CACNA1C: variants seen among roughly 807,000 people sequenced by gnomAD.
CACNA1C encodes the protein calcium voltage-gated channel subunit alpha1 C.
A neutral mutation model predicts 229.0 loss-of-function variants in CACNA1C; 30 were observed. The ratio of observed to expected loss-of-function variants is 0.13; its 90% CI spans 0.10 to 0.18. The LOEUF is 0.18. Among genes scored for constraint, CACNA1C ranks in the 10% least tolerant of loss-of-function variants. CACNA1C has a pLI of 1.00. For missense variants in CACNA1C, 1,658 were observed against 2,845.0 expected, an observed-to-expected ratio of 0.58 and a Z score of 9.49; for synonymous variants, 1,114 against 1,132.5, an observed-to-expected ratio of 0.98 and a Z score of 0.33.
At chr12:2,268,518 G>A (rs1005895552) in intron 3 of CACNA1C, among the ~76,000 whole-genome samples, 2 of 152,194 alleles carry the variant, frequency 1.3e-5, no homozygotes, top group Admixed American at 6.5e-5. Flanking sequence ...CTGGGGGTGT[G>A]GGGAGTGTTG....
Position 2,679,245 on chromosome 12 carries a change from G to A in CACNA1C, c.5092-199G>A, listed in dbSNP as rs1030385345. On this transcript the variant is annotated intron_variant, in intron 41 of 46. Coordinates refer to ENST00000399655, the MANE Select transcript of CACNA1C (RefSeq NM_000719.7). This position sits in a 1 kb window ranked among gnomAD's most constrained non-coding sequence, Gnocchi z 5.5. Reference sequence around the variant, plus strand: ...GGGGAGTCCAGAGCCTTGAGACTCCGGGTCCCTCCCTCTCTGGAGCAGCCA... The same window carrying A: ...GGGGAGTCCAGAGCCTTGAGACTCCAGGTCCCTCCCTCTCTGGAGCAGCCA... Among the ~76,000 whole-genome samples, 1 of 152,170 alleles carries A rather than the reference G, an allele frequency of 6.6e-6. No homozygotes were observed. Among genetic ancestry groups the A allele is most frequent in the Non-Finnish European group, 1.5e-5 (1 of 68,034 alleles).
Position 2,177,640 on chromosome 12 carries a change from C to T in CACNA1C, c.477+57210C>T, listed in dbSNP as rs1183393946. Among the ~76,000 whole-genome samples the T allele has an allele frequency of 1.6e-5, 2 of 128,712 alleles. 1 individual carries two copies. Among genetic ancestry groups the T allele is most frequent in the East Asian group, 5.3e-4 (2 of 3,796 alleles). 84.4% of individuals were successfully genotyped at this position (128,712 alleles called of 152,430 possible). A position where few individuals can be genotyped will look rare whatever the true frequency, so the allele number is the denominator to read the frequency against. ...TCCTTCCTTCCTTCTCTCTCTCTTT[C>T]TTTCTTTCTTTCTTTTTCTTTCTTC... On this transcript the variant is annotated intron_variant, in intron 3 of 46. Coordinates refer to ENST00000399655, the MANE Select transcript of CACNA1C (RefSeq NM_000719.7).
At chr12:2,558,801 T>A (rs1419987105) in intron 11 of CACNA1C, among the ~76,000 whole-genome samples, 1 of 152,216 alleles carries the variant, frequency 6.6e-6, no homozygotes, top group African/African-American at 2.4e-5. Flanking sequence ...CTTCTTTCTC[T>A]CCCGTTTCAC....
chr12:2,445,385 C>T, intron 3 of CACNA1C, among the ~76,000 whole-genome samples: 1 of 152,214 alleles, frequency 6.6e-6, no homozygotes, highest in East Asian at 1.9e-4. Context: ...GTCTCCAGCA[C>T]CCAACACTTA....
intron 37 of CACNA1C, among the ~76,000 whole-genome samples, chr12:2,667,419 G>A (rs902046089): frequency 3.3e-5 from 5 of 151,956 alleles, no homozygotes; most frequent in African/African-American, 7.3e-5. Context: ...AGGAGGATTC[G>A]GCTCTGTGAG....
Position 2,581,824 on chromosome 12 carries a change from G to C in CACNA1C, c.2103+27G>C, listed in dbSNP as rs748879565. On this transcript the variant is annotated intron_variant, in intron 14 of 46. Coordinates refer to ENST00000399655, the MANE Select transcript of CACNA1C (RefSeq NM_000719.7). ...TATGGACTCTTCTCTGCTGGGATTCGGACTCGGGGTGGTTGAGTGGCGGGG... is the reference window on the plus strand; with the variant it reads ...TATGGACTCTTCTCTGCTGGGATTCCGACTCGGGGTGGTTGAGTGGCGGGG... 2.1e-6 allele frequency: 3 copies of C among 1,460,056 alleles called. No individual in the cohort carries two copies. In the Admixed American group the frequency reaches 5.1e-5, roughly 25 times the overall value. The allele number at this position is 1,460,056 out of a possible 1,614,324, so 90.4% of individuals were successfully genotyped here. A position where few individuals can be genotyped will look rare whatever the true frequency, so the allele number is the denominator to read the frequency against.
chr12:2,109,650 G>A (rs562150490), intron 1 of CACNA1C, among the ~76,000 whole-genome samples: 1 of 152,146 alleles, frequency 6.6e-6, no homozygotes, highest in Non-Finnish European at 1.5e-5. Context: ...CCCAATTTAC[G>A]AGTTCTGTTT....
In CACNA1C at chr12:2,665,871, C is replaced by A. The variant is rs1320773625; in HGVS notation, c.4526+163C>A. On this transcript the variant is annotated intron_variant, in intron 36 of 46. Coordinates refer to ENST00000399655, the MANE Select transcript of CACNA1C (RefSeq NM_000719.7). This position sits in a 1 kb window ranked among gnomAD's most constrained non-coding sequence, Gnocchi z 5.9. The stretch of plus-strand genomic sequence containing the variant: ...AAGGTCAAGGGCCAGCAGGAGGAGG[C>A]CCGGCACCTTCAATTAAGTCAAGAA... 6.6e-6 allele frequency among the ~76,000 whole-genome samples: 1 copy of A among 152,128 alleles called. No individual in the cohort carries two copies. The highest frequency in any genetic ancestry group is 6.5e-5 in the Admixed American group (1 of 15,270).
intron 3 of CACNA1C, among the ~76,000 whole-genome samples, chr12:2,184,267 G>A (rs1041001839): frequency 2.0e-5 from 3 of 152,192 alleles, no homozygotes; most frequent in Non-Finnish European, 4.4e-5. Context: ...ACGAGGCCTC[G>A]GCTTTGTAAC....
At position 2,679,325 on chromosome 12, in the gene CACNA1C, G is replaced by A. The variant is rs894069035; in HGVS notation, c.5092-119G>A. The A allele has an allele frequency of 6.8e-5, 50 of 730,438 alleles. No individual in the cohort carries two copies. The highest frequency in any genetic ancestry group is 2.1e-4 in the Admixed American group (7 of 34,032). 45.2% of individuals were successfully genotyped at this position (730,438 alleles called of 1,614,324 possible). A position where few individuals can be genotyped will look rare whatever the true frequency, so the allele number is the denominator to read the frequency against. On this transcript the variant is annotated intron_variant, in intron 41 of 46. Transcript: ENST00000399655. The surrounding 1 kb of genome is among the most constrained non-coding windows in gnomAD (Gnocchi z 5.5). ...GCTCCCAGCAGGGCTGTGCCTACCC[G>A]AAAGAAGGCAGCCCGCCTTCCCAGG...
intron 3 of CACNA1C, among the ~76,000 whole-genome samples, chr12:2,391,643 T>C (rs750271126): frequency 6.6e-6 from 1 of 152,156 alleles, no homozygotes; most frequent in Non-Finnish European, 1.5e-5. Context: ...TTCTGAGTGC[T>C]TGAAGTGGGG....
At chr12:2,183,685 G>A (rs1176346277) in intron 3 of CACNA1C, among the ~76,000 whole-genome samples, 2 of 152,242 alleles carry the variant, frequency 1.3e-5, no homozygotes, top group African/African-American at 2.4e-5. Context: ...ATGAGGGCTT[G>A]GTAGGCGAAA....
chr12:2,427,892 T>C (rs2099048054), intron 3 of CACNA1C, among the ~76,000 whole-genome samples: 2 of 152,164 alleles, frequency 1.3e-5, no homozygotes, highest in Non-Finnish European at 2.9e-5. Flanking sequence ...AGTGCTGGGA[T>C]TACAGGCGTG....
At chr12:2,362,181 G>C (rs528688073) in intron 3 of CACNA1C, among the ~76,000 whole-genome samples, 5 of 152,160 alleles carry the variant, frequency 3.3e-5, no homozygotes, top group Non-Finnish European at 5.9e-5. Context: ...ACATACAGAG[G>C]CATACGGTGT....
At chr12:1,980,796 G>A (rs182607237) in intron 1 of CACNA1C, among the ~76,000 whole-genome samples, 16 of 151,780 alleles carry the variant, frequency 1.1e-4, no homozygotes, top group Admixed American at 3.9e-4. Context: ...TAAACCACAC[G>A]GCCATGGTTT....
intron 3 of CACNA1C, among the ~76,000 whole-genome samples, chr12:2,159,489 G>T (rs1297046743): frequency 6.6e-6 from 1 of 151,122 alleles, no homozygotes; most frequent in Non-Finnish European, 1.5e-5. Context: ...GTGAGACCCT[G>T]TCAATAAATA....
intron 3 of CACNA1C, among the ~76,000 whole-genome samples, chr12:2,326,301 G>A (rs1489214374): frequency 6.6e-6 from 1 of 152,112 alleles, no homozygotes; most frequent in African/African-American, 2.4e-5. Context: ...CCATCAGCTG[G>A]GAATCTTGTT....
intron 3 of CACNA1C, among the ~76,000 whole-genome samples, chr12:2,372,750 C>A (rs886899): frequency 0.78 from 118,598 of 152,030 alleles, 46,648 homozygotes; most frequent in Non-Finnish European, 0.83. Flanking sequence ...ATCCGTTAGC[C>A]TGCCCCCTGG....
At chr12:2,683,821 G>A (rs901588951) in intron 43 of CACNA1C, among the ~76,000 whole-genome samples, 5 of 152,228 alleles carry the variant, frequency 3.3e-5, no homozygotes, top group Admixed American at 3.3e-4. Flanking sequence ...TGGAACGGCA[G>A]CACAGTGAAG....
Sources: allele counts gnomAD v4.1 joint callset (sites outside exome capture counted in the v4.1 genomes callset), GRCh38; gene constraint gnomAD v4.1.1; non-coding constraint Gnocchi (gnomAD v3.1); transcripts MANE v1.5; gene names NCBI Gene and HGNC (gene_info 2026-07-23, HGNC 2026-07-21).